Variants in MAPK8IP3 observed in about 807,000 individuals in gnomAD.
MAPK8IP3 encodes the protein mitogen-activated protein kinase 8 interacting protein 3, also known as C-Jun-amino-terminal kinase-interacting protein 3.
A neutral mutation model predicts 157.8 loss-of-function variants in MAPK8IP3; 49 were observed. The observed-to-expected ratio is 0.31, with a 90% confidence interval of 0.25 to 0.39. The LOEUF (loss-of-function observed/expected upper bound fraction) is 0.39, where lower values mean the gene tolerates loss of function less well. Ranked by LOEUF, MAPK8IP3 falls within the 10% of genes least tolerant of loss-of-function variation. The pLI is 1.00. For missense variants in MAPK8IP3, 1,478 were observed against 1,889.4 expected, an observed-to-expected ratio of 0.78 and a Z score of 4.04; for synonymous variants, 897 against 777.7, an observed-to-expected ratio of 1.15 and a Z score of -2.55.
Position 1,769,046 on chromosome 16 carries a change from C to T in MAPK8IP3, c.*222C>T, listed in dbSNP as rs1034877184. On this transcript the variant is annotated 3_prime_UTR_variant, in exon 32 of 32. Coordinates refer to ENST00000610761, the MANE Select transcript of MAPK8IP3 (RefSeq NM_001318852.2). Reference sequence around the variant, plus strand: ...CTTCCACCCGAGGGGAAGATGCTCTCGGGACAGTTTCCCGGGCAGCTCCTG... The same window carrying T: ...CTTCCACCCGAGGGGAAGATGCTCTTGGGACAGTTTCCCGGGCAGCTCCTG... 2.5e-5 allele frequency: 15 copies of T among 591,066 alleles called. No individual in the cohort carries two copies. Among genetic ancestry groups the T allele is most frequent in the South Asian group, 1.2e-4 (6 of 50,290 alleles). The allele number at this position is 591,066 out of a possible 1,614,324, so 36.6% of individuals were successfully genotyped here.
At chr16:1,760,612 G>A in intron 12 of MAPK8IP3, 80 bp downstream of exon 12, 2 of 1,517,568 alleles carry the variant, frequency 1.3e-6, no homozygotes, top group Non-Finnish European at 1.8e-6. Flanking sequence ...TCCAGTGCCT[G>A]CTCTCCAGCC....
chr16:1,761,080 C>T (rs1053668680), intron 12 of MAPK8IP3, 144 bp from the exon 13 acceptor site: 4 of 669,768 alleles, frequency 6.0e-6, no homozygotes, highest in South Asian at 5.0e-5. Flanking sequence ...CTGAACCAAA[C>T]GGCTGCTGAA....
At chr16:1,736,742 C>G (rs2039903963) in intron 4 of MAPK8IP3, among the ~76,000 whole-genome samples, 1 of 52,362 alleles carries the variant, frequency 1.9e-5, no homozygotes, top group Non-Finnish European at 3.3e-5. Flanking sequence ...GAGCGTGTGA[C>G]CATCCATGTG....
At position 1,751,511 on chromosome 16, in the gene MAPK8IP3, T is replaced by G. The variant is rs1375071047; in HGVS notation, c.1216+2791T>G. The G allele has an allele frequency of 2.6e-5, 4 of 152,086 alleles. No homozygotes were observed. 9.4% of individuals were successfully genotyped at this position (152,086 alleles called of 1,614,324 possible). Reference sequence around the variant, plus strand: ...GTGAGATGACGGTGAGAGCTCGGACTTGAACGCAGGTCCCACCCAGAACAG... The same window carrying G: ...GTGAGATGACGGTGAGAGCTCGGACGTGAACGCAGGTCCCACCCAGAACAG... On this transcript the variant is annotated intron_variant, in intron 8 of 31. Transcript: ENST00000610761. This position sits in a 1 kb window ranked among gnomAD's most constrained non-coding sequence, Gnocchi z 5.0.
In MAPK8IP3 at chr16:1,767,743, G is replaced by C. The variant is rs745639836; in HGVS notation, c.3409+8G>C. The C allele has an allele frequency of 6.2e-7, 1 of 1,612,416 alleles. No homozygotes were observed. The highest frequency in any genetic ancestry group is 8.5e-7 in the Non-Finnish European group (1 of 1,179,826). ...ACGTCAGCAAGATGCTAGGTGAGGGGCCACGCCAGATGGGGTGGTGGGGTG... is the reference window on the plus strand; with the variant it reads ...ACGTCAGCAAGATGCTAGGTGAGGGCCCACGCCAGATGGGGTGGTGGGGTG... On this transcript the variant is annotated splice_region_variant and intron_variant, in intron 27 of 31. Coordinates refer to ENST00000610761, the MANE Select transcript of MAPK8IP3 (RefSeq NM_001318852.2).
rs1333329204 is a variant in MAPK8IP3, at chr16:1,751,067, G to A, written c.1216+2347G>A. Among the ~76,000 whole-genome samples, 3 of 152,206 alleles carry A rather than the reference G, an allele frequency of 2.0e-5. No homozygotes were observed. In the East Asian group the frequency reaches 5.8e-4, roughly 29 times the overall value. On this transcript the variant is annotated intron_variant, in intron 8 of 31. Transcript: ENST00000610761. The surrounding 1 kb of genome is among the most constrained non-coding windows in gnomAD (Gnocchi z 5.0). ...AGCTGCCCTTCTCATTGTGGGCGGT[G>A]TCATTTCCGTGGGTGGCAGCACTGA...
intron 8 of MAPK8IP3, among the ~76,000 whole-genome samples, chr16:1,754,495 C>T (rs1216750455): frequency 1.3e-5 from 2 of 152,230 alleles, no homozygotes; most frequent in South Asian, 2.1e-4. Context: ...ACAAATAGGC[C>T]GGGCACAGTG....
At chr16:1,732,964 A>C (rs1237180804) in intron 4 of MAPK8IP3, among the ~76,000 whole-genome samples, 1 of 152,244 alleles carries the variant, frequency 6.6e-6, no homozygotes, top group Admixed American at 6.5e-5. Context: ...CAGATCCCAC[A>C]GTGGGAGATT....
chr16:1,766,488 G>C, intron 22 of MAPK8IP3, 41 bp from the exon 23 acceptor site: 1 of 1,605,734 alleles, frequency 6.2e-7, no homozygotes, highest in East Asian at 2.2e-5. Flanking sequence ...GGGCAGGTGC[G>C]TGCTCCGTGG....
intron 8 of MAPK8IP3, 107 bp from the exon 9 acceptor site, chr16:1,758,041 A>G (rs1330608210): frequency 2.6e-6 from 3 of 1,158,310 alleles, no homozygotes; most frequent in Non-Finnish European, 3.9e-6. Context: ...GGAGCAGCCG[A>G]ATCATTGCTG....
chr16:1,764,800 G>A (rs1025411076), intron 19 of MAPK8IP3, among the ~76,000 whole-genome samples: 2 of 152,186 alleles, frequency 1.3e-5, no homozygotes, highest in African/African-American at 4.8e-5. Flanking sequence ...TTGGAGCTCA[G>A]GGGCCTCTTC....
intron 1 of MAPK8IP3, among the ~76,000 whole-genome samples, chr16:1,717,858 C>CTT (rs36008436): frequency 4.3e-4 from 64 of 147,814 alleles, no homozygotes; most frequent in African/African-American, 1.4e-3. Context: ...TCTTGGTTCT[C>CTT]TTTTTTTTTT....
At position 1,706,691 on chromosome 16, in the gene MAPK8IP3, T is replaced by G; in HGVS notation, c.318+34T>G. The G allele has an allele frequency of 1.3e-6, 2 of 1,505,762 alleles. No individual in the cohort carries two copies. Among genetic ancestry groups the G allele is most frequent in the Non-Finnish European group, 1.8e-6 (2 of 1,128,214 alleles). The allele number at this position is 1,505,762 out of a possible 1,614,324, so 93.3% of individuals were successfully genotyped here. On this transcript the variant is annotated intron_variant, in intron 1 of 31. Coordinates refer to ENST00000610761, the MANE Select transcript of MAPK8IP3 (RefSeq NM_001318852.2). The surrounding 1 kb of genome is among the most constrained non-coding windows in gnomAD (Gnocchi z 5.1). ...GCCGCGGGACCCGCCCGCATCCCCG[T>G]CCCGGACCCCCAGCCAGCCCCGGGC...
intron 4 of MAPK8IP3, among the ~76,000 whole-genome samples, chr16:1,739,023 TGTGTGAGCGTCCGTGTGAGCGTCC>T (rs1183614944): frequency 1.7e-5 from 2 of 120,042 alleles, no homozygotes; most frequent in Non-Finnish European, 3.4e-5. Flanking sequence ...TGTGAGCATC[TGTGTGAGCGTCCGTGTGAGCGTCC>T]GTGTGAGCGT....
At chr16:1,762,583 T>G in intron 14 of MAPK8IP3, 92 bp from the exon 15 acceptor site, 1 of 1,555,714 alleles carries the variant, frequency 6.4e-7, no homozygotes, top group Non-Finnish European at 8.7e-7. Flanking sequence ...GGGACTGAAG[T>G]GCGCTGGGTG....
chr16:1,729,066 T>C (rs1448745408), intron 2 of MAPK8IP3, 72 bp from the exon 3 acceptor site: 2 of 1,426,124 alleles, frequency 1.4e-6, no homozygotes, highest in African/African-American at 2.8e-5. Flanking sequence ...CCTCCCTCTG[T>C]GGTTACAACC....
intron 4 of MAPK8IP3, among the ~76,000 whole-genome samples, chr16:1,738,006 CTG>C (rs1201262194): frequency 6.5e-5 from 4 of 61,686 alleles, no homozygotes; most frequent in Admixed American, 4.3e-4. Flanking sequence ...ATGTGAGCAT[CTG>C]TGTGACCGTC....
intron 12 of MAPK8IP3, 93 bp downstream of exon 12, chr16:1,760,625 AGC>A: frequency 6.8e-7 from 1 of 1,477,136 alleles, no homozygotes; most frequent in Non-Finnish European, 9.1e-7. Flanking sequence ...CTCCAGCCTG[AGC>A]GGCTCTGTGC....
rs1260373633 is a variant in MAPK8IP3, at chr16:1,737,773, T to TTA, written c.603-5559_603-5558insTA. Among the ~76,000 whole-genome samples the TTA allele has an allele frequency of 1.6e-4, 2 of 12,848 alleles. 1 individual carries two copies. The highest frequency in any genetic ancestry group is 2.2e-3 in the Admixed American group (2 of 896). 8.4% of individuals were successfully genotyped at this position (12,848 alleles called of 152,430 possible). A position where few individuals can be genotyped will look rare whatever the true frequency, so the allele number is the denominator to read the frequency against. The stretch of plus-strand genomic sequence containing the variant: ...CCATCCGTGTGTGTGACCATCCGTG[T>TTA]GAGTGACCATCCATGTGAGCATCCA... On this transcript the variant is annotated intron_variant, in intron 4 of 31. Coordinates refer to ENST00000610761, the MANE Select transcript of MAPK8IP3 (RefSeq NM_001318852.2).
Sources: allele counts gnomAD v4.1 joint callset (sites outside exome capture counted in the v4.1 genomes callset), GRCh38; gene constraint gnomAD v4.1.1; non-coding constraint Gnocchi (gnomAD v3.1); transcripts MANE v1.5; gene names NCBI Gene and HGNC (gene_info 2026-07-23, HGNC 2026-07-21).